The following GRM5 variants were observed in gnomAD, a reference collection of about 807,000 sequenced individuals.
GRM5 encodes the protein glutamate metabotropic receptor 5.
GRM5 carries 19 observed loss-of-function variants against 83.1 expected under a neutral mutation model. The ratio of observed to expected loss-of-function variants is 0.23; its 90% confidence interval spans 0.16 to 0.34. The LOEUF (loss-of-function observed/expected upper bound fraction) is 0.34, where lower values mean the gene tolerates loss of function less well. GRM5 is among the 10% of genes least tolerant of loss of function. The pLI, the probability that GRM5 is intolerant of heterozygous loss-of-function variation, is 1.00. For synonymous variants in GRM5, 675 were observed against 633.6 expected (o/e 1.07, Z -0.98); for missense variants, 1,160 against 1,588.3 (o/e 0.73, Z 4.58).
chr11:88,954,392 G>C (rs1180867229), intron 2 of GRM5, among the ~76,000 whole-genome samples: 1 of 152,006 alleles, frequency 6.6e-6, no homozygotes, highest in African/African-American at 2.4e-5. Flanking sequence ...CTTAACATTT[G>C]TGTGCTCCCT....
intron 8 of GRM5, among the ~76,000 whole-genome samples, chr11:88,563,568 C>T (rs1157522744): frequency 1.3e-5 from 2 of 152,140 alleles, no homozygotes; most frequent in Admixed American, 1.3e-4. Flanking sequence ...TGACAGAGGA[C>T]AGCAGAACAG....
rs1237765839 is a variant in GRM5, at chr11:88,567,276, A to C, written c.2407T>G (p.Cys803Gly). The C allele has an allele frequency of 6.2e-7, 1 of 1,614,062 alleles. No homozygotes were observed. The highest frequency in any genetic ancestry group is 8.5e-7 in the Non-Finnish European group (1 of 1,179,882). The change falls in exon 8 of 10, where the codon TGT becomes GGT. Residue 803 changes from cysteine to glycine, a missense_variant. Physicochemically the swap from Cys to Gly is radical, Grantham distance 159. Transcript: ENST00000305447. The surrounding 1 kb of genome is among the most constrained non-coding windows in gnomAD (Gnocchi z 7.3). ...GTGGCACTGAGGCTGACCGAGAAAC[A>C]CATGGTGATGATTTTGTAGTTGCTG... ...FGSNYKIITM[C>G]FSVSLSATVA... is the part of the protein sequence containing the mutation.
chr11:89,002,118 G>T (rs2135071517), intron 2 of GRM5, among the ~76,000 whole-genome samples: 1 of 152,188 alleles, frequency 6.6e-6, no homozygotes, highest in Non-Finnish European at 1.5e-5. Context: ...AAGATTCTTG[G>T]ATTGAACATA....
At chr11:88,814,655 G>T (rs1246532480) in intron 3 of GRM5, among the ~76,000 whole-genome samples, 1 of 151,928 alleles carries the variant, frequency 6.6e-6, no homozygotes, top group Admixed American at 6.6e-5. Context: ...CCAACTAACT[G>T]AACTGCATCC....
At chr11:88,616,671 A>G (rs533687463) in intron 4 of GRM5, among the ~76,000 whole-genome samples, 1 of 152,280 alleles carries the variant, frequency 6.6e-6, no homozygotes, top group South Asian at 2.1e-4. Flanking sequence ...TTAAGTAAGT[A>G]GACGGATTAG....
At position 88,507,509 on chromosome 11, in the gene GRM5, T is replaced by A. The variant is rs1214694890; in HGVS notation, c.*1083A>T. ...ACAACAGTCTCTCAAATCATGACAA[T>A]GTCTTCATGGGGTCTATGGACCACT... On this transcript the variant is annotated 3_prime_UTR_variant, in exon 10 of 10. Coordinates refer to ENST00000305447, the MANE Select transcript of GRM5 (RefSeq NM_001143831.3). 1 of 152,238 alleles carries A rather than the reference T, an allele frequency of 6.6e-6. No individual in the cohort carries two copies. Among genetic ancestry groups the A allele is most frequent in the East Asian group, 1.9e-4 (1 of 5,206 alleles). 9.4% of individuals were successfully genotyped at this position (152,238 alleles called of 1,614,324 possible). A position where few individuals can be genotyped will look rare whatever the true frequency, so the allele number is the denominator to read the frequency against.
intron 8 of GRM5, among the ~76,000 whole-genome samples, chr11:88,543,695 C>G (rs1353654231): frequency 6.8e-6 from 1 of 146,148 alleles, no homozygotes; most frequent in Non-Finnish European, 1.5e-5. Flanking sequence ...TTTTTGTATA[C>G]CCACAAAGGA....
chr11:88,660,992 A>T (rs1438861123), intron 3 of GRM5, among the ~76,000 whole-genome samples: 1 of 152,208 alleles, frequency 6.6e-6, no homozygotes, highest in Non-Finnish European at 1.5e-5. Flanking sequence ...TTCACTGAAC[A>T]AGTATTGTGT....
At chr11:88,654,914 G>A (rs1480172360) in intron 3 of GRM5, among the ~76,000 whole-genome samples, 2 of 151,806 alleles carry the variant, frequency 1.3e-5, no homozygotes, top group Admixed American at 6.6e-5. Context: ...TGCCAACTTT[G>A]ATATAAATAT....
chr11:88,677,476 G>A (rs1940363152), intron 3 of GRM5, among the ~76,000 whole-genome samples: 1 of 152,106 alleles, frequency 6.6e-6, no homozygotes, highest in South Asian at 2.1e-4. Context: ...CTGGACAATA[G>A]CATATGAGGT....
chr11:88,698,957 C>T (rs1225720651), intron 3 of GRM5, among the ~76,000 whole-genome samples: 1 of 152,192 alleles, frequency 6.6e-6, no homozygotes, highest in African/African-American at 2.4e-5. Flanking sequence ...TCCATCTGCT[C>T]TCTAGCTATA....
chr11:88,547,491 C>T (rs1942410969), intron 8 of GRM5, among the ~76,000 whole-genome samples: 1 of 152,144 alleles, frequency 6.6e-6, no homozygotes, highest in African/African-American at 2.4e-5. Flanking sequence ...TATCTTTGTG[C>T]CTGCCGTTAT....
intron 2 of GRM5, among the ~76,000 whole-genome samples, chr11:88,884,392 C>T (rs1945008453): frequency 6.6e-6 from 1 of 152,180 alleles, no homozygotes; most frequent in Non-Finnish European, 1.5e-5. Flanking sequence ...GCCTGTACCC[C>T]ACTGTGTCTA....
chr11:88,784,029 C>T lies in GRM5; in HGVS notation c.911+65877G>A, dbSNP rs577146233. On this transcript the variant is annotated intron_variant, in intron 3 of 9. Transcript: ENST00000305447. ...TAGGAGCCGATTACATTAATTTCTT[C>T]CCAGCTTCTAATGATGCTAAAAATT... 7.9e-5 allele frequency among the ~76,000 whole-genome samples: 12 copies of T among 152,148 alleles called. No homozygotes were observed. The South Asian group carries it at 2.5e-3, about 32-fold the overall frequency.
chr11:88,999,638 T>A lies in GRM5; in HGVS notation c.661+47574A>T, dbSNP rs559551764. ...AATAGGAACACTTTTACACTGTTGGTGGGACTGTAAACTAGTTCAACCATT... is the reference window on the plus strand; with the variant it reads ...AATAGGAACACTTTTACACTGTTGGAGGGACTGTAAACTAGTTCAACCATT... On this transcript the variant is annotated intron_variant, in intron 2 of 9. Transcript: ENST00000305447. Among the ~76,000 whole-genome samples, 830 of 152,246 alleles carry A rather than the reference T, an allele frequency of 5.5e-3. 12 individuals carry two copies. Among genetic ancestry groups the A allele is most frequent in the African/African-American group, 0.018 (740 of 41,526 alleles).
rs377082245 is a variant in GRM5, at chr11:88,594,014, C to A, written c.1563+3170G>T. On this transcript the variant is annotated intron_variant, in intron 6 of 9. Coordinates refer to ENST00000305447, the MANE Select transcript of GRM5 (RefSeq NM_001143831.3). ...TTTTACCATGTTAGCCAGATGGTCT[C>A]GATCTCCTGACCTTGTGATCCGCCC... is the stretch of plus-strand genomic sequence containing the variant. 2.6e-5 allele frequency among the ~76,000 whole-genome samples: 4 copies of A among 151,918 alleles called. No individual in the cohort carries two copies. The South Asian group carries it at 6.2e-4, about 24-fold the overall frequency.
intron 2 of GRM5, among the ~76,000 whole-genome samples, chr11:88,956,202 T>C (rs1040235506): frequency 2.0e-5 from 3 of 152,182 alleles, no homozygotes; most frequent in African/African-American, 7.2e-5. Context: ...CCTAACACTC[T>C]GCCTTCACAC....
chr11:88,624,709 C>T (rs1256988940), intron 4 of GRM5, among the ~76,000 whole-genome samples: 1 of 152,126 alleles, frequency 6.6e-6, no homozygotes, highest in Non-Finnish European at 1.5e-5. Flanking sequence ...AAAATTCAGG[C>T]ATCAAGGGAA....
chr11:88,976,738 G>GT lies in GRM5; in HGVS notation c.661+70473_661+70474insA, dbSNP rs560997560. Among the ~76,000 whole-genome samples, 37 of 152,038 alleles carry GT rather than the reference G, an allele frequency of 2.4e-4. 2 individuals are homozygous for GT. The South Asian group carries it at 7.3e-3, about 30-fold the overall frequency. The stretch of plus-strand genomic sequence containing the variant: ...CATCCAGAGTAAGTTTTTATATTGT[G>GT]GTAGTTGCAATTAAGCAGTAAATCT... On this transcript the variant is annotated intron_variant, in intron 2 of 9. Transcript: ENST00000305447.
Sources: gnomAD v4.1 joint callset for allele counts (sites outside exome capture counted in the v4.1 genomes callset) on GRCh38, gnomAD v4.1.1 for gene constraint, Gnocchi (gnomAD v3.1) non-coding constraint, MANE v1.5 for transcripts, NCBI Gene and HGNC (gene_info 2026-07-23, HGNC 2026-07-21) for gene names.